ACSL3: variants seen among roughly 807,000 people sequenced by gnomAD.
ACSL3 encodes the protein fatty acid CoA ligase Acsl3.
Under a neutral mutation model 84.7 loss-of-function variants are expected in ACSL3, and 34 were observed. The observed-to-expected ratio is 0.40, with a 90% confidence interval of 0.31 to 0.53. ACSL3 has a LOEUF of 0.53. ACSL3 is among the 20% of genes least tolerant of loss of function. The pLI is 0.48. For missense variants in ACSL3, 680 were observed against 873.1 expected (o/e 0.78, Z 2.79); for synonymous variants, 315 against 299.4 (o/e 1.05, Z -0.54).
At chr2:222,905,013 AGTT>A (rs1696255504) in intron 3 of ACSL3, 1 of 152,708 alleles carries the variant, frequency 6.5e-6, no homozygotes, top group African/African-American at 2.4e-5. Context: ...TGCCAGCAGC[AGTT>A]AAGGGAGGTA....
intron 15 of ACSL3, 182 bp downstream of exon 15, chr2:222,933,462 A>T: frequency 2.0e-6 from 1 of 501,238 alleles, no homozygotes; most frequent in Admixed American, 3.6e-5. Context: ...GCTTCCCCTG[A>T]TCTTTCTCTC....
chr2:222,891,722 C>T (rs1259971190), intron 2 of ACSL3, among the ~76,000 whole-genome samples: 2 of 152,066 alleles, frequency 1.3e-5, no homozygotes, highest in African/African-American at 2.4e-5. Context: ...TGTTAAACTG[C>T]TTTTTCATGT....
intron 6 of ACSL3, among the ~76,000 whole-genome samples, chr2:222,918,548 G>A (rs1696645790): frequency 1.5e-5 from 2 of 129,552 alleles, no homozygotes; most frequent in South Asian, 5.6e-4. Flanking sequence ...AAGTTAAAAA[G>A]GGAGACTTTT....
intron 1 of ACSL3, among the ~76,000 whole-genome samples, chr2:222,870,142 TG>T (rs1399415652): frequency 6.6e-6 from 1 of 151,766 alleles, no homozygotes; most frequent in African/African-American, 2.4e-5. Flanking sequence ...TTCTTGCTTT[TG>T]GGGGATGGAG....
rs558582780 is a variant in ACSL3, at chr2:222,930,722, G to C, written c.1642G>C (p.Ala548Pro). ...GYYKNEAKTK[A>P]DFFEDENGQR... is the part of the protein sequence containing the mutation. ...CTACAAAAATGAAGCAAAAACAAAAGCTGATTTCTTTGAAGATGAAAATGG... is the reference window on the plus strand; with the variant it reads ...CTACAAAAATGAAGCAAAAACAAAACCTGATTTCTTTGAAGATGAAAATGG... The change falls in exon 14 of 17, where the codon GCT becomes CCT. Residue 548 changes from alanine (A) to proline (P), a missense_variant. Ala to Pro is a conservative substitution (Grantham distance 27). Coordinates refer to ENST00000357430, the MANE Select transcript of ACSL3 (RefSeq NM_004457.5). The C allele has an allele frequency of 1.9e-6, 3 of 1,614,096 alleles. No homozygotes were observed. In the East Asian group the frequency reaches 6.7e-5, roughly 36 times the overall value.
At chr2:222,910,900 C>T (rs933000231) in intron 4 of ACSL3, among the ~76,000 whole-genome samples, 13 of 152,110 alleles carry the variant, frequency 8.5e-5, no homozygotes, top group African/African-American at 2.7e-4. Flanking sequence ...TTTAAGATCT[C>T]GCTGAAGTTA....
intron 1 of ACSL3, among the ~76,000 whole-genome samples, chr2:222,872,954 A>T (rs968929322): frequency 4.6e-5 from 7 of 152,200 alleles, no homozygotes; most frequent in African/African-American, 1.7e-4. Context: ...GGGCCACAGC[A>T]TGCATGAGAC....
intron 1 of ACSL3, among the ~76,000 whole-genome samples, chr2:222,871,250 A>G (rs1415957600): frequency 2.5e-5 from 2 of 80,326 alleles, no homozygotes; most frequent in African/African-American, 1.1e-4. Context: ...GGGAAAGGTG[A>G]AAGCAGAGTG....
chr2:222,883,633 T>C lies in ACSL3; in HGVS notation c.-206-4197T>C, dbSNP rs1307343155. Among the ~76,000 whole-genome samples, 5 of 152,220 alleles carry C rather than the reference T, an allele frequency of 3.3e-5. No individual in the cohort carries two copies. In the East Asian group the frequency reaches 9.6e-4, roughly 29 times the overall value. On this transcript the variant is annotated intron_variant, in intron 1 of 16. Transcript: ENST00000357430. Reference sequence around the variant, plus strand: ...AGACTAGTATTTATCAGCTCTGGGATATTATATTGCAGTGTGCTTTAGGAA... The same window carrying C: ...AGACTAGTATTTATCAGCTCTGGGACATTATATTGCAGTGTGCTTTAGGAA...
chr2:222,914,560 C>T lies in ACSL3; in HGVS notation c.379-1759C>T, dbSNP rs184335635. 3.2e-3 allele frequency among the ~76,000 whole-genome samples: 488 copies of T among 152,090 alleles called. 1 individual carries two copies. Among genetic ancestry groups the T allele is most frequent in the African/African-American group, 0.011 (469 of 41,460 alleles). ...TACAGGCATGAGCCAGTGCACCTGC[C>T]CAGAGGAGGCTATTTGAATAGAGAG... On this transcript the variant is annotated intron_variant, in intron 4 of 16. Coordinates refer to ENST00000357430, the MANE Select transcript of ACSL3 (RefSeq NM_004457.5).
At chr2:222,906,359 C>A (rs1696294888) in intron 3 of ACSL3, among the ~76,000 whole-genome samples, 1 of 152,200 alleles carries the variant, frequency 6.6e-6, no homozygotes, top group Admixed American at 6.5e-5. Context: ...ATTGGTATCA[C>A]CACCCAGCAA....
intron 2 of ACSL3, among the ~76,000 whole-genome samples, chr2:222,899,556 T>C (rs938123439): frequency 6.6e-6 from 1 of 151,970 alleles, no homozygotes; most frequent in Non-Finnish European, 1.5e-5. Context: ...GAAGGGAAGG[T>C]TCTCGGATCT....
intron 2 of ACSL3, among the ~76,000 whole-genome samples, chr2:222,890,063 C>A (rs1333295857): frequency 6.6e-6 from 1 of 152,110 alleles, no homozygotes; most frequent in East Asian, 1.9e-4. Context: ...GATGTTTAAA[C>A]CTTATTTTTA....
At chr2:222,907,819 G>A (rs1004361489) in intron 3 of ACSL3, among the ~76,000 whole-genome samples, 2 of 151,260 alleles carry the variant, frequency 1.3e-5, no homozygotes, top group Admixed American at 6.6e-5. Flanking sequence ...CCCTCTGCCC[G>A]GAGTGCTCTT....
intron 15 of ACSL3, 129 bp downstream of exon 15, chr2:222,933,409 C>A: frequency 1.6e-6 from 1 of 610,768 alleles, no homozygotes; most frequent in South Asian, 2.4e-5. Context: ...TGGGAATGGC[C>A]TCCTTCTCAT....
chr2:222,875,510 G>A (rs1695423690), intron 1 of ACSL3, among the ~76,000 whole-genome samples: 1 of 152,078 alleles, frequency 6.6e-6, no homozygotes, highest in African/African-American at 2.4e-5. Flanking sequence ...ATCCCATTCT[G>A]TATTCCTTTT....
Position 222,919,056 on chromosome 2 carries a change from A to C in ACSL3, c.667-8A>C, listed in dbSNP as rs760482853. 1.2e-6 allele frequency: 2 copies of C among 1,612,694 alleles called. No individual in the cohort carries two copies. The highest frequency in any genetic ancestry group is 2.2e-5 in the South Asian group (2 of 90,906). On this transcript the variant is annotated splice_polypyrimidine_tract_variant and splice_region_variant and intron_variant, in intron 6 of 16. Transcript: ENST00000357430. ...TAATGAACGTGATGAATGTTGGTGT[A>C]TTTCTAGGATATAGTTTCTTTGGTC...
chr2:222,936,608 T>TCCCCCCC (rs55915039), intron 16 of ACSL3, among the ~76,000 whole-genome samples: 183 of 131,246 alleles, frequency 1.4e-3, no homozygotes, highest in African/African-American at 2.1e-3. Flanking sequence ...TTCTGCACCC[T>TCCCCCCC]CCCCCCCCAC....
intron 5 of ACSL3, 141 bp from the exon 6 acceptor site, chr2:222,917,905 T>TA (rs1300415313): frequency 8.2e-6 from 4 of 489,544 alleles, no homozygotes; most frequent in Non-Finnish European, 1.4e-5. Context: ...AAGATAACTT[T>TA]AAAAAACATA....
Sources: allele counts gnomAD v4.1 joint callset (sites outside exome capture counted in the v4.1 genomes callset), GRCh38; gene constraint gnomAD v4.1.1; transcripts MANE v1.5; gene names NCBI Gene and HGNC (gene_info 2026-07-23, HGNC 2026-07-21).